The following ITFG1 variants were observed in gnomAD, a reference collection of about 807,000 sequenced individuals.
ITFG1 encodes the protein T-cell immunomodulatory protein.
In ITFG1, 34 loss-of-function variants were observed where a neutral mutation model predicts 81.8. That is an observed-to-expected ratio of 0.42 (90% CI 0.32 to 0.55). The LOEUF (loss-of-function observed/expected upper bound fraction) is 0.55. Ranked by LOEUF, ITFG1 falls within the 20% of genes least tolerant of loss-of-function variation. The pLI is 0.17. For missense variants in ITFG1, 672 were observed against 755.4 expected (o/e 0.89, Z 1.29); for synonymous variants, 285 against 270.6 (o/e 1.05, Z -0.52).
intron 6 of ITFG1, among the ~76,000 whole-genome samples, chr16:47,383,541 A>T (rs1275290342): frequency 6.6e-6 from 1 of 152,208 alleles, no homozygotes; most frequent in Non-Finnish European, 1.5e-5. Context: ...CACAAGCGCT[A>T]CTATCCAAAA....
intron 14 of ITFG1, among the ~76,000 whole-genome samples, chr16:47,188,533 T>A (rs910435930): frequency 6.8e-6 from 1 of 147,590 alleles, no homozygotes; most frequent in Non-Finnish European, 1.5e-5. Context: ...AAACACCGCA[T>A]ATTCTCACTC....
chr16:47,445,781 C>A (rs1341969214), intron 5 of ITFG1, among the ~76,000 whole-genome samples: 1 of 152,084 alleles, frequency 6.6e-6, no homozygotes, highest in Non-Finnish European at 1.5e-5. Context: ...TTGAAAAGCA[C>A]CCATTATGCT....
chr16:47,298,114 A>G (rs1233770164), intron 10 of ITFG1, among the ~76,000 whole-genome samples: 1 of 151,994 alleles, frequency 6.6e-6, no homozygotes, highest in South Asian at 2.1e-4. Flanking sequence ...TGAAGCTTTC[A>G]ACTGTCTTGT....
rs201987775 is a variant in ITFG1, at chr16:47,365,729, AAAG to A, written c.802+56_802+58del. ...TGGGGAATTAATATAAATAGAACAG[AAAG>A]AAGGAGAGAATTGGAAAGGCAAAAG... On this transcript the variant is annotated intron_variant, in intron 8 of 17. Transcript: ENST00000320640. 62 of 998,994 alleles carry A rather than the reference AAAG, an allele frequency of 6.2e-5. No individual in the cohort carries two copies. In the East Asian group the frequency reaches 1.3e-3, roughly 21 times the overall value. The allele number at this position is 998,994 out of a possible 1,614,324, so 61.9% of individuals were successfully genotyped here. A position where few individuals can be genotyped will look rare whatever the true frequency, so the allele number is the denominator to read the frequency against.
intron 10 of ITFG1, among the ~76,000 whole-genome samples, chr16:47,306,830 C>T (rs1049269180): frequency 6.6e-6 from 1 of 151,748 alleles, no homozygotes; most frequent in Non-Finnish European, 1.5e-5. Context: ...CGCGGTGGCT[C>T]ACGCCTGTAA....
chr16:47,354,597 AG>A (rs1386284209), intron 8 of ITFG1, among the ~76,000 whole-genome samples: 1 of 152,122 alleles, frequency 6.6e-6, no homozygotes, highest in African/African-American at 2.4e-5. Context: ...AAAGGAAACA[AG>A]TAAGAGTGAT....
intron 12 of ITFG1, among the ~76,000 whole-genome samples, chr16:47,248,081 G>A (rs1409433511): frequency 1.3e-5 from 2 of 151,990 alleles, no homozygotes; most frequent in African/African-American, 4.8e-5. Flanking sequence ...ACTTAATATA[G>A]GATACTATTA....
chr16:47,238,873 G>C (rs1342077401), intron 12 of ITFG1, among the ~76,000 whole-genome samples: 1 of 152,136 alleles, frequency 6.6e-6, no homozygotes, highest in East Asian at 1.9e-4. Flanking sequence ...ACTTAGGCAG[G>C]GTGTAATGAT....
At chr16:47,429,472 CAT>C (rs1397133975) in intron 5 of ITFG1, among the ~76,000 whole-genome samples, 2 of 152,100 alleles carry the variant, frequency 1.3e-5, no homozygotes, top group African/African-American at 4.8e-5. Context: ...ATTGTTGGGT[CAT>C]AGAGGAATAT....
intron 14 of ITFG1, 194 bp from the exon 15 acceptor site, chr16:47,162,858 C>T (rs879817672): frequency 6.8e-6 from 3 of 440,580 alleles, no homozygotes; most frequent in Non-Finnish European, 1.2e-5. Flanking sequence ...CACTCTGCCA[C>T]CTAGGCTGCA....
chr16:47,455,383 T>C (rs1009099286), intron 2 of ITFG1, among the ~76,000 whole-genome samples: 6 of 151,248 alleles, frequency 4.0e-5, no homozygotes, highest in Admixed American at 6.6e-5. Flanking sequence ...GAAAAAAGTC[T>C]GTCTATAAAA....
chr16:47,255,980 TA>T, intron 12 of ITFG1, among the ~76,000 whole-genome samples: 2 of 152,120 alleles, frequency 1.3e-5, no homozygotes, highest in African/African-American at 4.8e-5. Flanking sequence ...TTTATTTTTT[TA>T]TTTTTTTTTT....
At chr16:47,180,507 T>C (rs900893700) in intron 14 of ITFG1, among the ~76,000 whole-genome samples, 24 of 151,854 alleles carry the variant, frequency 1.6e-4, no homozygotes, top group African/African-American at 5.1e-4. Flanking sequence ...CTCAGCCTGC[T>C]GAGTGCCTGC....
intron 5 of ITFG1, chr16:47,448,476 T>C (rs891140837): frequency 6.6e-6 from 1 of 152,172 alleles, no homozygotes; most frequent in Non-Finnish European, 1.5e-5. Flanking sequence ...AATATTTTCA[T>C]GCGATCACTT....
intron 6 of ITFG1, among the ~76,000 whole-genome samples, chr16:47,395,884 C>T (rs1968586917): frequency 6.6e-6 from 1 of 152,164 alleles, no homozygotes; most frequent in South Asian, 2.1e-4. Flanking sequence ...CAGCAGTATG[C>T]AATCCTAGAT....
chr16:47,439,442 C>T lies in ITFG1; in HGVS notation c.561-10544G>A, dbSNP rs181997141. Among the ~76,000 whole-genome samples, 8 of 152,256 alleles carry T rather than the reference C, an allele frequency of 5.3e-5. No individual in the cohort carries two copies. The East Asian group carries it at 7.7e-4, about 15-fold the overall frequency. On this transcript the variant is annotated intron_variant, in intron 5 of 17. Transcript: ENST00000320640. The stretch of plus-strand genomic sequence containing the variant: ...GTTAAGGACAGCCAGAGAGAAAGGT[C>T]GGGTAACCCACAAAGGGAAGGCCAT...
At chr16:47,430,470 T>C (rs1969081538) in intron 5 of ITFG1, among the ~76,000 whole-genome samples, 1 of 152,196 alleles carries the variant, frequency 6.6e-6, no homozygotes, top group Admixed American at 6.5e-5. Flanking sequence ...AAAGAATCCA[T>C]TTCCTAATGC....
At position 47,291,785 on chromosome 16, in the gene ITFG1, TTC is replaced by T. The variant is rs1008848545; in HGVS notation, c.1070+19453_1070+19454del. Among the ~76,000 whole-genome samples, 25 of 152,278 alleles carry T rather than the reference TTC, an allele frequency of 1.6e-4. 1 individual carries two copies. The highest frequency in any genetic ancestry group is 1.4e-3 in the Admixed American group (21 of 15,298). On this transcript the variant is annotated intron_variant, in intron 10 of 17. Transcript: ENST00000320640. ...TCATTGAGTAATTAAGCTGCAGGAT[TTC>T]TGTGTGGTTTTTATTTTTTTATTAT...
intron 13 of ITFG1, among the ~76,000 whole-genome samples, chr16:47,226,782 T>C (rs1234525575): frequency 1.3e-5 from 2 of 152,122 alleles, no homozygotes; most frequent in Admixed American, 6.6e-5. Context: ...TAAGGGAATA[T>C]GCTATCTTCT....
Sources: allele counts gnomAD v4.1 joint callset (sites outside exome capture counted in the v4.1 genomes callset), GRCh38; gene constraint gnomAD v4.1.1; transcripts MANE v1.5; gene names NCBI Gene and HGNC (gene_info 2026-07-23, HGNC 2026-07-21).